MREG: variants seen among roughly 807,000 people sequenced by gnomAD.
MREG encodes melanoregulin.
In MREG, 31 loss-of-function variants were observed where a neutral mutation model predicts 28.5. The observed-to-expected ratio is 1.09, with a 90% CI of 0.82 to 1.47. The LOEUF (loss-of-function observed/expected upper bound fraction) is 1.47, where lower values mean the gene tolerates loss of function less well. Among genes scored for constraint, MREG ranks in the 40% most tolerant of loss-of-function variants. The pLI, the probability that MREG is intolerant of heterozygous loss-of-function variation, is 0.00. For synonymous variants in MREG, 106 were observed against 95.2 expected, an observed-to-expected ratio of 1.11 and a Z score of -0.66; for missense variants, 256 against 257.4, an observed-to-expected ratio of 0.99 and a Z score of 0.04.
intron 1 of MREG, among the ~76,000 whole-genome samples, chr2:216,020,878 T>A (rs1694510056): frequency 6.6e-6 from 1 of 152,092 alleles, no homozygotes; most frequent in African/African-American, 2.4e-5. Context: ...ACTGCGTCCC[T>A]TAAAAATTCA....
intron 2 of MREG, among the ~76,000 whole-genome samples, chr2:215,973,701 G>T (rs373350131): frequency 2.2e-4 from 33 of 152,312 alleles, no homozygotes; most frequent in African/African-American, 7.2e-4. Context: ...GAAAAGAAAA[G>T]AAACTAGAAC....
chr2:215,960,659 C>A (rs1175420540), intron 2 of MREG, among the ~76,000 whole-genome samples: 1 of 151,856 alleles, frequency 6.6e-6, no homozygotes, highest in Non-Finnish European at 1.5e-5. Context: ...CATGGTGAAA[C>A]CCCGTCTCTA....
At chr2:215,966,587 G>A (rs1365798704) in intron 2 of MREG, among the ~76,000 whole-genome samples, 3 of 148,600 alleles carry the variant, frequency 2.0e-5, no homozygotes, top group Non-Finnish European at 4.5e-5. Flanking sequence ...TTCAAGCCTT[G>A]TAAAACATTT....
At position 216,006,464 on chromosome 2, in the gene MREG, A is replaced by G. The variant is rs2106028488; in HGVS notation, c.95+6769T>C. On this transcript the variant is annotated intron_variant, in intron 1 of 4. Coordinates refer to ENST00000263268, the MANE Select transcript of MREG (RefSeq NM_018000.3). ...GCCAGGGCACTTTCCTTCAGTAAAA[A>G]CCCTTTGTGCCCCTGCAGGCACTTC... Among the ~76,000 whole-genome samples the G allele has an allele frequency of 1.3e-5, 2 of 151,890 alleles. 1 individual carries two copies. The highest frequency in any genetic ancestry group is 4.2e-4 in the South Asian group (2 of 4,798).
At chr2:215,959,471 C>T (rs1692721446) in intron 2 of MREG, among the ~76,000 whole-genome samples, 1 of 152,210 alleles carries the variant, frequency 6.6e-6, no homozygotes, top group Non-Finnish European at 1.5e-5. Context: ...GATTCTTACT[C>T]TTTTCTGCCT....
At position 215,994,123 on chromosome 2, in the gene MREG, C is replaced by T. The variant is rs143657946; in HGVS notation, c.255+2183G>A. ...AAGGCACATGCACATGTATGTTTAT[C>T]GCAACACTGTTCACAAAAGCAAAGA... is the stretch of plus-strand genomic sequence containing the variant. On this transcript the variant is annotated intron_variant, in intron 2 of 4. Coordinates refer to ENST00000263268, the MANE Select transcript of MREG (RefSeq NM_018000.3). Among the ~76,000 whole-genome samples, 572 of 151,966 alleles carry T rather than the reference C, an allele frequency of 3.8e-3. 11 individuals are homozygous for T. The highest frequency in any genetic ancestry group is 0.012 in the African/African-American group (512 of 41,310).
chr2:216,004,475 C>T (rs758646698), intron 1 of MREG, among the ~76,000 whole-genome samples: 6 of 150,988 alleles, frequency 4.0e-5, no homozygotes, highest in East Asian at 1.9e-4. Context: ...ACCCGGGAGG[C>T]GGAGGTTGCA....
intron 2 of MREG, among the ~76,000 whole-genome samples, chr2:215,961,413 A>G (rs4622721): frequency 0.88 from 133,724 of 152,032 alleles, 58,889 homozygotes; most frequent in Non-Finnish European, 0.91. Flanking sequence ...TCAGATTCAC[A>G]TGCAGGCCCC....
chr2:215,940,673 A>G (rs1253656775), downstream of MREG, among the ~76,000 whole-genome samples: 2 of 152,204 alleles, frequency 1.3e-5, no homozygotes, highest in Non-Finnish European at 2.9e-5. Context: ...CCTGAGGGAA[A>G]TTATTTTGAA....
chr2:215,942,423 A>C (rs1447555575), downstream of MREG, among the ~76,000 whole-genome samples: 1 of 152,172 alleles, frequency 6.6e-6, no homozygotes, highest in East Asian at 1.9e-4. Flanking sequence ...ATGCACTGCC[A>C]TGTCCACTGG....
At chr2:216,014,196 T>C (rs1694390504), upstream of MREG, among the ~76,000 whole-genome samples, 1 of 152,142 alleles carries the variant, frequency 6.6e-6, no homozygotes, top group Non-Finnish European at 1.5e-5. Context: ...TATCCTCCTC[T>C]CATTTTAACA....
intron 1 of MREG, among the ~76,000 whole-genome samples, chr2:216,026,452 C>T (rs957432894): frequency 6.6e-6 from 1 of 151,978 alleles, no homozygotes; most frequent in Admixed American, 6.6e-5. Context: ...TGCAACCTTC[C>T]CAGGGTCCAG....
At chr2:215,977,729 C>G (rs182570994) in intron 2 of MREG, among the ~76,000 whole-genome samples, 7 of 152,322 alleles carry the variant, frequency 4.6e-5, no homozygotes, top group African/African-American at 1.4e-4. Context: ...AAGAAACTCA[C>G]TCAAAACTGC....
At chr2:215,978,550 T>C (rs1294112675) in intron 2 of MREG, among the ~76,000 whole-genome samples, 1 of 152,214 alleles carries the variant, frequency 6.6e-6, no homozygotes, top group Non-Finnish European at 1.5e-5. Context: ...AGCATCATCC[T>C]GAAACCAAAA....
intron 2 of MREG, among the ~76,000 whole-genome samples, chr2:215,989,714 G>C (rs557376148): frequency 2.6e-5 from 4 of 152,062 alleles, no homozygotes; most frequent in Admixed American, 6.5e-5. Context: ...ACCTAATGGA[G>C]GTGAAAAATA....
intron 2 of MREG, among the ~76,000 whole-genome samples, chr2:215,962,405 G>C (rs2043000): frequency 0.88 from 133,912 of 152,216 alleles, 58,984 homozygotes; most frequent in Non-Finnish European, 0.91. Context: ...CAGGGGAGGG[G>C]TGGGGCTTGC....
At chr2:215,947,853 T>A (rs559314131) in intron 2 of MREG, among the ~76,000 whole-genome samples, 1 of 152,252 alleles carries the variant, frequency 6.6e-6, no homozygotes, top group Non-Finnish European at 1.5e-5. Context: ...GAGGCCATCA[T>A]GTTGTTCCAA....
intron 2 of MREG, among the ~76,000 whole-genome samples, chr2:215,994,850 C>T (rs1693823478): frequency 6.6e-6 from 1 of 152,098 alleles, no homozygotes; most frequent in African/African-American, 2.4e-5. Flanking sequence ...CTTTTCCAGC[C>T]CCTTTCACAT....
intron 1 of MREG, among the ~76,000 whole-genome samples, chr2:216,027,751 CAG>C (rs989007631): frequency 1.3e-5 from 2 of 152,126 alleles, no homozygotes; most frequent in African/African-American, 2.4e-5. Context: ...AGGAAAGAAA[CAG>C]AAAGTGTCAG....
Sources: allele counts gnomAD v4.1 joint callset (sites outside exome capture counted in the v4.1 genomes callset), GRCh38; gene constraint gnomAD v4.1.1; transcripts MANE v1.5; gene names NCBI Gene and HGNC (gene_info 2026-07-23, HGNC 2026-07-21).